COL5A1: variants seen among roughly 807,000 people sequenced by gnomAD.
COL5A1 encodes collagen type V alpha 1 chain.
A neutral mutation model predicts 263.7 loss-of-function variants in COL5A1; 16 were observed. The ratio of observed to expected loss-of-function variants is 0.06; its 90% CI spans 0.04 to 0.09. COL5A1 has a LOEUF of 0.09. COL5A1 is among the 10% of genes least tolerant of loss of function. COL5A1 has a pLI of 1.00. For missense variants in COL5A1, 2,036 were observed against 2,540.5 expected, an observed-to-expected ratio of 0.80 and a Z score of 4.27; for synonymous variants, 1,012 against 1,004.5, an observed-to-expected ratio of 1.01 and a Z score of -0.14.
At chr9:134,797,702 C>T (rs797010573) in intron 36 of COL5A1, among the ~76,000 whole-genome samples, 7 of 152,134 alleles carry the variant, frequency 4.6e-5, no homozygotes, top group Non-Finnish European at 8.8e-5. Flanking sequence ...AGGATGGTCT[C>T]GAACTCCTGA....
chr9:134,717,026 C>T (rs556445278), intron 4 of COL5A1, among the ~76,000 whole-genome samples: 1 of 152,232 alleles, frequency 6.6e-6, no homozygotes, highest in Admixed American at 6.5e-5. Flanking sequence ...ATTATTTAGA[C>T]CTCACTGGCT....
At chr9:134,806,385 C>A in intron 42 of COL5A1, 89 bp downstream of exon 42, 1 of 911,384 alleles carries the variant, frequency 1.1e-6, no homozygotes, top group South Asian at 1.6e-5. Context: ...CTGTGATGTC[C>A]CCAGGGGTAT....
At position 134,766,876 on chromosome 9, in the gene COL5A1, G is replaced by A. The variant is rs4842158; in HGVS notation, c.2134-124G>A. ...GGGACCCGGCCGCCTTTCCCTTCCCGCTGGCATTAGGCAGTGGGGAGCAGT... is the reference window on the plus strand; with the variant it reads ...GGGACCCGGCCGCCTTTCCCTTCCCACTGGCATTAGGCAGTGGGGAGCAGT... On this transcript the variant is annotated intron_variant, in intron 22 of 65. Transcript: ENST00000371817. 0.16 allele frequency: 156,759 copies of A among 955,160 alleles called. 14,705 individuals are homozygous for A. The highest frequency in any genetic ancestry group is 0.36 in the East Asian group (13,705 of 38,394). 59.2% of individuals were successfully genotyped at this position (955,160 alleles called of 1,614,324 possible).
At chr9:134,816,513 C>T (rs1405812577) in intron 52 of COL5A1, among the ~76,000 whole-genome samples, 2 of 152,258 alleles carry the variant, frequency 1.3e-5, no homozygotes, top group Admixed American at 6.5e-5. Context: ...GCCCTTGCCC[C>T]ACCTTGCACC....
intron 52 of COL5A1, among the ~76,000 whole-genome samples, 171 bp downstream of exon 52, chr9:134,816,159 G>A (rs904098217): frequency 6.6e-6 from 1 of 152,192 alleles, no homozygotes; most frequent in Non-Finnish European, 1.5e-5. Context: ...ATTCCCTTAT[G>A]ATATTGATTC....
At chr9:134,715,801 A>G (rs1287352386) in intron 4 of COL5A1, among the ~76,000 whole-genome samples, 1 of 152,216 alleles carries the variant, frequency 6.6e-6, no homozygotes, top group Non-Finnish European at 1.5e-5. Flanking sequence ...AAGTCAGAAG[A>G]ATTTTTCTTA....
intron 1 of COL5A1, among the ~76,000 whole-genome samples, chr9:134,648,717 C>T (rs1027921397): frequency 2.0e-5 from 3 of 152,236 alleles, no homozygotes; most frequent in Admixed American, 6.5e-5. Context: ...CCTGTGCGTG[C>T]TCCCTTGCCA....
At chr9:134,740,684 G>A (rs1487397218) in intron 11 of COL5A1, among the ~76,000 whole-genome samples, 1 of 152,196 alleles carries the variant, frequency 6.6e-6, no homozygotes, top group African/African-American at 2.4e-5. Flanking sequence ...AACCAGAGGG[G>A]TGCTGGTTCA....
rs78476388 is a variant in COL5A1 at position 134,748,302 on chromosome 9, C to G, written c.1495-2240C>G. Among the ~76,000 whole-genome samples, 1,300 of 152,114 alleles carry G rather than the reference C, an allele frequency of 8.5e-3. 23 individuals are homozygous for G. Among genetic ancestry groups the G allele is most frequent in the African/African-American group, 0.03 (1,249 of 41,508 alleles). ...ACACATATATGCACATGCACACACA[C>G]ATGCATTGATAGTCACATACATGCA... On this transcript the variant is annotated intron_variant, in intron 11 of 65. Transcript: ENST00000371817.
intron 59 of COL5A1, 40 bp downstream of exon 59, chr9:134,822,190 A>C (rs1839034076): frequency 1.0e-5 from 8 of 773,766 alleles, no homozygotes; most frequent in Non-Finnish European, 1.5e-5. Flanking sequence ...CTGGGAGGGC[A>C]GGGAGGGTGG....
chr9:134,824,976 C>G, intron 62 of COL5A1, 121 bp downstream of exon 62: 1 of 1,362,692 alleles, frequency 7.3e-7, no homozygotes. Context: ...GCAGCCGCAG[C>G]CTCCCCATCT....
At chr9:134,806,668 C>T (rs1471478421) in intron 42 of COL5A1, among the ~76,000 whole-genome samples, 3 of 152,220 alleles carry the variant, frequency 2.0e-5, no homozygotes, top group Admixed American at 6.5e-5. Flanking sequence ...CGTCCAGCCT[C>T]AGTGCCACCT....
intron 25 of COL5A1, among the ~76,000 whole-genome samples, chr9:134,770,305 C>T (rs189538896): frequency 2.2e-4 from 33 of 152,318 alleles, no homozygotes; most frequent in Admixed American, 1.8e-3. Context: ...AGGTATGAGG[C>T]ACTTCAGAGC....
chr9:134,839,339 C>T lies in COL5A1; in HGVS notation c.5371-2818C>T, dbSNP rs188946121. ...AACGGGGTAACAGAGCGGCTCGCAG[C>T]GGCCTACTTTAAATACGCCCCTCTC... On this transcript the variant is annotated intron_variant, in intron 65 of 65. Transcript: ENST00000371817. 4.8e-3 allele frequency among the ~76,000 whole-genome samples: 731 copies of T among 152,264 alleles called. 6 individuals carry two copies. Among genetic ancestry groups the T allele is most frequent in the African/African-American group, 0.014 (577 of 41,550 alleles).
At chr9:134,783,465 C>G (rs1437875087) in intron 29 of COL5A1, among the ~76,000 whole-genome samples, 5 of 152,078 alleles carry the variant, frequency 3.3e-5, no homozygotes, top group African/African-American at 9.7e-5. Context: ...GCCAGGGTGG[C>G]CAAAAGACTC....
chr9:134,774,128 C>T (rs1836966414), intron 26 of COL5A1, among the ~76,000 whole-genome samples: 1 of 152,238 alleles, frequency 6.6e-6, no homozygotes, highest in African/African-American at 2.4e-5. Flanking sequence ...GAGAGGCATT[C>T]ACTTACTCCC....
chr9:134,663,219 C>T (rs1832262497), intron 1 of COL5A1, among the ~76,000 whole-genome samples: 1 of 152,264 alleles, frequency 6.6e-6, no homozygotes, highest in South Asian at 2.1e-4. Context: ...GGATGCCTGG[C>T]CTGACCTGGG....
At chr9:134,753,803 C>CT in intron 14 of COL5A1, 47 bp from the exon 15 acceptor site, 1 of 1,259,062 alleles carries the variant, frequency 7.9e-7, no homozygotes, top group Non-Finnish European at 1.1e-6. Context: ...CCTGTGTTCT[C>CT]GAGTCCCCAC....
intron 37 of COL5A1, among the ~76,000 whole-genome samples, chr9:134,800,798 G>A (rs1369272143): frequency 6.9e-6 from 1 of 145,212 alleles, no homozygotes; most frequent in Admixed American, 6.9e-5. Flanking sequence ...GTGGGTTCAT[G>A]TGGCCCCGTG....
Sources: allele counts gnomAD v4.1 joint callset (sites outside exome capture counted in the v4.1 genomes callset), GRCh38; gene constraint gnomAD v4.1.1; transcripts MANE v1.5; gene names NCBI Gene and HGNC (gene_info 2026-07-23, HGNC 2026-07-21).